The following PLXND1 variants were observed in gnomAD, a reference collection of about 807,000 sequenced individuals.
PLXND1 encodes plexin D1, also known as plexin-D1.
Under a neutral mutation model 197.7 loss-of-function variants are expected in PLXND1, and 54 were observed. That is an observed-to-expected ratio of 0.27 (90% CI 0.22 to 0.34). The LOEUF is 0.34. Among genes scored for constraint, PLXND1 ranks in the 10% least tolerant of loss-of-function variants. PLXND1 has a pLI of 1.00. For synonymous variants in PLXND1, 1,180 were observed against 1,161.2 expected (o/e 1.02, Z -0.33); for missense variants, 2,127 against 2,699.2 (o/e 0.79, Z 4.70).
chr3:129,583,604 G>A lies in PLXND1; in HGVS notation c.2204C>T (p.Ser735Phe). The change falls in exon 8 of 36, where the codon TCC becomes TTC. Residue 735 changes from serine (S) to phenylalanine (F), a missense_variant. By Grantham distance (155) the Ser-to-Phe change is radical. Coordinates refer to ENST00000324093, the MANE Select transcript of PLXND1 (RefSeq NM_015103.3). ...FWCSQQHSCVSNQSRCEASPN... is the reference protein window; with the variant it reads ...FWCSQQHSCVFNQSRCEASPN... The stretch of plus-strand genomic sequence containing the variant: ...TGAGGCCTCGCACCGAGACTGGTTG[G>A]AAACACAGGAGTGCTGCTGGCTGCA... 2.5e-6 allele frequency: 4 copies of A among 1,613,964 alleles called. No homozygotes were observed. Among genetic ancestry groups the A allele is most frequent in the Non-Finnish European group, 3.4e-6 (4 of 1,179,966 alleles).
rs746865969 is a variant in PLXND1, at chr3:129,577,925, T to C, written c.2346+404A>G. On this transcript the variant is annotated intron_variant, in intron 9 of 35. Coordinates refer to ENST00000324093, the MANE Select transcript of PLXND1 (RefSeq NM_015103.3). This position sits in a 1 kb window ranked among gnomAD's most constrained non-coding sequence, Gnocchi z 5.0. Reference sequence around the variant, plus strand: ...CTCTGGTCATTCTGCAGGGAAGACATGGAAGCCACCCACGGGGCAGTGGGC... The same window carrying C: ...CTCTGGTCATTCTGCAGGGAAGACACGGAAGCCACCCACGGGGCAGTGGGC... Among the ~76,000 whole-genome samples, 2 of 152,126 alleles carry C rather than the reference T, an allele frequency of 1.3e-5. No individual in the cohort carries two copies. The highest frequency in any genetic ancestry group is 4.8e-5 in the African/African-American group (2 of 41,416).
At chr3:129,600,848 T>C (rs1319211277) in intron 1 of PLXND1, among the ~76,000 whole-genome samples, 1 of 152,098 alleles carries the variant, frequency 6.6e-6, no homozygotes, top group Admixed American at 6.5e-5. Context: ...AAATGTCTTC[T>C]TGACGACGTG....
chr3:129,578,347 G>A lies in PLXND1; in HGVS notation c.2328C>T (p.Ala776=), dbSNP rs1224397100. 1 of 1,604,056 alleles carries A rather than the reference G, an allele frequency of 6.2e-7. No individual in the cohort carries two copies. The highest frequency in any genetic ancestry group is 1.7e-5 in the Admixed American group (1 of 58,510). ...GGSQNILVPL[A]NTAFFQGAAL... is the part of the protein sequence containing the mutation. ...TACTTACCTGGAAAAAGGCAGTGTT[G>A]GCCAGAGGCACCAGGATGTTCTGGG... Residue 776 remains alanine (A), a synonymous_variant, in exon 9 of 36, where the codon GCC becomes GCT. Transcript: ENST00000324093.
intron 25 of PLXND1, among the ~76,000 whole-genome samples, chr3:129,565,007 G>A (rs906131361): frequency 6.6e-6 from 1 of 152,244 alleles, no homozygotes; most frequent in Non-Finnish European, 1.5e-5. Flanking sequence ...GAGCCTCAAG[G>A]GCCAGCCAGG....
At chr3:129,586,294 C>T (rs1279884250) in intron 3 of PLXND1, 22 bp from the exon 4 acceptor site, 10 of 1,521,832 alleles carry the variant, frequency 6.6e-6, no homozygotes, top group Non-Finnish European at 8.9e-6. Flanking sequence ...GGTGGGGGCC[C>T]AGCTCAATGG....
chr3:129,574,303 C>A lies in PLXND1; in HGVS notation c.2685+33G>T, dbSNP rs62267570. ...ACTGCGCATGCGCCGTGCCGGAGTG[C>A]GGGTGCCACGTGCCTCCACTGGGCA... On this transcript the variant is annotated intron_variant, in intron 12 of 35. Transcript: ENST00000324093. 2.6e-6 allele frequency: 4 copies of A among 1,551,048 alleles called. No homozygotes were observed. The Admixed American group carries it at 7.7e-5, about 30-fold the overall frequency.
Position 129,560,728 on chromosome 3 carries a change from G to A in PLXND1, c.4994-5C>T. 1.3e-6 allele frequency: 2 copies of A among 1,570,304 alleles called. No homozygotes were observed. The highest frequency in any genetic ancestry group is 1.7e-5 in the Admixed American group (1 of 59,970). ...TCTCTGTGTCCAAGTCTTTCACTGT[G>A]AGAGGAAAAACACAATAAATAAACA... On this transcript the variant is annotated splice_polypyrimidine_tract_variant and splice_region_variant and intron_variant, in intron 29 of 35. Coordinates refer to ENST00000324093, the MANE Select transcript of PLXND1 (RefSeq NM_015103.3).
chr3:129,562,953 G>GA lies in PLXND1; in HGVS notation c.4669-11dup, dbSNP rs1560060472. The GA allele has an allele frequency of 6.2e-7, 1 of 1,602,496 alleles. No individual in the cohort carries two copies. Among genetic ancestry groups the GA allele is most frequent in the Non-Finnish European group, 8.5e-7 (1 of 1,170,256 alleles). On this transcript the variant is annotated splice_polypyrimidine_tract_variant and intron_variant, in intron 26 of 35. Coordinates refer to ENST00000324093, the MANE Select transcript of PLXND1 (RefSeq NM_015103.3). ...AGGACACGTTCAGGTTCTGCAGGGG[G>GA]AGAGTGGGAGAGAAAGGTCAGTGAG...
In PLXND1 at chr3:129,567,611, G is replaced by C; in HGVS notation, c.3974-7C>G. On this transcript the variant is annotated splice_polypyrimidine_tract_variant and splice_region_variant and intron_variant, in intron 21 of 35. Transcript: ENST00000324093. ...GTCTGCAGCTCAGCGAAGCCTGGCG[G>C]ACACACGGACAGCCGTGAGCGGCCC... 2 of 1,604,454 alleles carry C rather than the reference G, an allele frequency of 1.2e-6. No individual in the cohort carries two copies. Among genetic ancestry groups the C allele is most frequent in the Non-Finnish European group, 1.7e-6 (2 of 1,172,032 alleles).
Position 129,572,617 on chromosome 3 carries a change from C to T in PLXND1, c.3069G>A (p.Thr1023=), listed in dbSNP as rs561945149. 36 of 1,537,676 alleles carry T rather than the reference C, an allele frequency of 2.3e-5. No individual in the cohort carries two copies. The highest frequency in any genetic ancestry group is 2.1e-4 in the Admixed American group (10 of 48,472). The change falls in exon 15 of 36, where the codon ACG becomes ACA. Residue 1023 remains threonine, a synonymous_variant. Transcript: ENST00000324093. Reference sequence around the variant, plus strand: ...CAGGCCCAGAGGCTTACATCAGCTCCGTGCAGGGGTCTGTGTCGTTCACCA... The same window carrying T: ...CAGGCCCAGAGGCTTACATCAGCTCTGTGCAGGGGTCTGTGTCGTTCACCA... ...QVLVNDTDPC[T]ELMRTDTSIA...
chr3:129,605,233 G>T, intron 1 of PLXND1, 96 bp downstream of exon 1: 1 of 538,526 alleles, frequency 1.9e-6, no homozygotes, highest in Non-Finnish European at 2.8e-6. Flanking sequence ...TCCCACCTGT[G>T]ACCCACTCAG....
intron 1 of PLXND1, among the ~76,000 whole-genome samples, chr3:129,595,734 A>AAGCC (rs1175360678): frequency 6.6e-6 from 1 of 152,108 alleles, no homozygotes; most frequent in Non-Finnish European, 1.5e-5. Context: ...GGAAGGGCTG[A>AAGCC]AGCCAGCCAG....
chr3:129,556,429 C>A lies in PLXND1; in HGVS notation c.5662-1G>T. ...GGTTGGCCTCCAGCGCGGCCATGAT[C>A]TGAGGGGAGCAGCGGAGTCAGCCGG... On this transcript the variant is annotated splice_acceptor_variant, in intron 35 of 35. Transcript: ENST00000324093. LOFTEE classifies it high-confidence loss of function. The A allele has an allele frequency of 6.2e-7, 1 of 1,612,138 alleles. No homozygotes were observed. The highest frequency in any genetic ancestry group is 1.1e-5 in the South Asian group (1 of 91,018).
At chr3:129,588,918 A>G (rs2085497944) in intron 2 of PLXND1, among the ~76,000 whole-genome samples, 1 of 152,174 alleles carries the variant, frequency 6.6e-6, no homozygotes, top group Non-Finnish European at 1.5e-5. Flanking sequence ...GAAATGAATG[A>G]GCATTCCTGC....
At position 129,569,833 on chromosome 3, in the gene PLXND1, G is replaced by A. The variant is rs774537713; in HGVS notation, c.3865+10C>T. On this transcript the variant is annotated intron_variant, in intron 20 of 35. Transcript: ENST00000324093. ...GCCCTCCAAGGTGTCCTGAGGGTGG[G>A]GCTCCTTACCCACCACGGAGAGCAG... 1 of 1,521,810 alleles carries A rather than the reference G, an allele frequency of 6.6e-7. No individual in the cohort carries two copies. The highest frequency in any genetic ancestry group is 2.3e-5 in the East Asian group (1 of 44,406). 94.3% of individuals were successfully genotyped at this position (1,521,810 alleles called of 1,614,324 possible). A position where few individuals can be genotyped will look rare whatever the true frequency, so the allele number is the denominator to read the frequency against.
intron 3 of PLXND1, 150 bp from the exon 4 acceptor site, chr3:129,586,422 C>A: frequency 3.7e-6 from 4 of 1,068,272 alleles, no homozygotes; most frequent in Non-Finnish European, 4.1e-6. Flanking sequence ...GGCTTCCCTG[C>A]AGAGGCAAGG....
rs1399740172 is a variant in PLXND1 at position 129,557,027 on chromosome 3, G to C, written c.5586+56C>G. 5.3e-6 allele frequency: 8 copies of C among 1,523,020 alleles called. No individual in the cohort carries two copies. The highest frequency in any genetic ancestry group is 6.3e-6 in the Non-Finnish European group (7 of 1,108,798). The allele number at this position is 1,523,020 out of a possible 1,614,324, so 94.3% of individuals were successfully genotyped here. ...GTGGAGGCATTGAGGCCCAGCCCCC[G>C]ACCCCCGATCCCTCAGCTCTTCAGG... On this transcript the variant is annotated intron_variant, in intron 34 of 35. Coordinates refer to ENST00000324093, the MANE Select transcript of PLXND1 (RefSeq NM_015103.3). This position sits in a 1 kb window ranked among gnomAD's most constrained non-coding sequence, Gnocchi z 4.8.
intron 13 of PLXND1, 147 bp downstream of exon 13, chr3:129,573,447 G>A: frequency 1.3e-6 from 1 of 767,386 alleles, no homozygotes; most frequent in Non-Finnish European, 2.1e-6. Context: ...GGTGGGAATG[G>A]CTTCGGCACA....
At position 129,561,664 on chromosome 3, in the gene PLXND1, CCTT is replaced by C; in HGVS notation, c.4972_4974del (p.Lys1658del). The C allele has an allele frequency of 4.4e-6, 7 of 1,608,568 alleles. No homozygotes were observed. In the South Asian group the frequency reaches 4.5e-5, roughly 10 times the overall value. ...GCACTACCTCGGCCCAGTGTGTTGTCCTTCTTGTCTATGAGACTCATGGCCAGG... is the reference window on the plus strand; with the variant it reads ...GCACTACCTCGGCCCAGTGTGTTGTCCTTGTCTATGAGACTCATGGCCAGG... On this transcript the variant is annotated inframe_deletion, in exon 29 of 36. Transcript: ENST00000324093.
Sources: allele counts gnomAD v4.1 joint callset (sites outside exome capture counted in the v4.1 genomes callset), GRCh38; gene constraint gnomAD v4.1.1; non-coding constraint Gnocchi (gnomAD v3.1); transcripts MANE v1.5; gene names NCBI Gene and HGNC (gene_info 2026-07-23, HGNC 2026-07-21).